The following COL22A1 variants were observed in gnomAD, a reference collection of about 807,000 sequenced individuals.
The protein encoded by COL22A1 is collagen type XXII alpha 1 chain.
COL22A1 carries 221 observed loss-of-function variants against 248.9 expected under a neutral mutation model. The observed-to-expected ratio is 0.89, with a 90% CI of 0.80 to 0.99. The LOEUF (loss-of-function observed/expected upper bound fraction) is 0.99, where lower values mean the gene tolerates loss of function less well. Ranked by LOEUF, COL22A1 falls within the 50% of genes least tolerant of loss-of-function variation. The pLI is 0.00. For synonymous variants in COL22A1, 891 were observed against 793.4 expected (o/e 1.12, Z -2.07); for missense variants, 2,240 against 2,179.0 (o/e 1.03, Z -0.56).
intron 23 of COL22A1, among the ~76,000 whole-genome samples, chr8:138,734,149 C>A (rs542330019): frequency 6.6e-6 from 1 of 152,298 alleles, no homozygotes; most frequent in Non-Finnish European, 1.5e-5. Context: ...GGGAAATAGA[C>A]GCTCCCATCC....
chr8:138,686,739 A>G lies in COL22A1; in HGVS notation c.2863-1427T>C, dbSNP rs1047450164. Among the ~76,000 whole-genome samples, 84 of 152,166 alleles carry G rather than the reference A, an allele frequency of 5.5e-4. 4 individuals are homozygous for G. ...TAGCCCACTGATTTCTGGTTTCTGA[A>G]CATGCACCTGTTAGTCCTCCTAAGA... On this transcript the variant is annotated intron_variant, in intron 37 of 64. Transcript: ENST00000303045.
intron 23 of COL22A1, among the ~76,000 whole-genome samples, chr8:138,729,229 C>G (rs953668106): frequency 6.6e-6 from 1 of 152,200 alleles, no homozygotes; most frequent in African/African-American, 2.4e-5. Flanking sequence ...AGTACCCCAG[C>G]CTTGCAAACT....
chr8:138,599,880 G>C (rs903350703), intron 60 of COL22A1, among the ~76,000 whole-genome samples: 4 of 152,188 alleles, frequency 2.6e-5, no homozygotes, highest in Non-Finnish European at 5.9e-5. Context: ...GCAGCTCCTC[G>C]GGCTGCCTGG....
At chr8:138,621,584 A>C (rs1369620989) in intron 52 of COL22A1, among the ~76,000 whole-genome samples, 1 of 152,214 alleles carries the variant, frequency 6.6e-6, no homozygotes, top group Non-Finnish European at 1.5e-5. Context: ...AGGTCAATGC[A>C]CTGCTCTGCA....
chr8:138,883,724 G>A (rs1330981087), intron 1 of COL22A1, among the ~76,000 whole-genome samples: 1 of 150,084 alleles, frequency 6.7e-6, no homozygotes, highest in Non-Finnish European at 1.5e-5. Flanking sequence ...TCACATATTC[G>A]CTCTCCTGCC....
At chr8:138,646,536 C>T in intron 47 of COL22A1, 93 bp downstream of exon 47, 2 of 999,912 alleles carry the variant, frequency 2.0e-6, no homozygotes, top group South Asian at 2.0e-5. Flanking sequence ...TAAAACCACT[C>T]CTTTACACTG....
chr8:138,780,730 C>T (rs900647415), intron 13 of COL22A1, among the ~76,000 whole-genome samples, 197 bp downstream of exon 13: 18 of 152,122 alleles, frequency 1.2e-4, no homozygotes, highest in Non-Finnish European at 1.5e-4. Flanking sequence ...AGGCGATACC[C>T]GGGGGGCAAA....
chr8:138,816,186 G>A (rs563048632), intron 7 of COL22A1, among the ~76,000 whole-genome samples: 1 of 152,324 alleles, frequency 6.6e-6, no homozygotes, highest in Middle Eastern at 3.4e-3. Flanking sequence ...GGAGACAGGA[G>A]GCAGGCCAGG....
At chr8:138,873,122 A>G (rs1041927255) in intron 3 of COL22A1, among the ~76,000 whole-genome samples, 1 of 152,062 alleles carries the variant, frequency 6.6e-6, no homozygotes, top group Non-Finnish European at 1.5e-5. Flanking sequence ...CAAAAGAAAG[A>G]CTTCCACACC....
At chr8:138,660,316 C>T in intron 44 of COL22A1, 120 bp downstream of exon 44, 1 of 810,226 alleles carries the variant, frequency 1.2e-6, no homozygotes, top group Non-Finnish European at 2.1e-6. Flanking sequence ...GTTTCCTCTG[C>T]CCACAGTTTT....
chr8:138,627,882 G>C (rs1387174869), intron 50 of COL22A1, among the ~76,000 whole-genome samples: 2 of 152,038 alleles, frequency 1.3e-5, no homozygotes, highest in Non-Finnish European at 2.9e-5. Flanking sequence ...GTAAAATTTA[G>C]GTGGAAAAAA....
At position 138,762,402 on chromosome 8, in the gene COL22A1, C is replaced by T. The variant is rs762612154; in HGVS notation, c.1857+11G>A. ...ATGAAACCTAGCCCAACAGCGCCAG[C>T]ACCCACCTACCTGCTGTCCTGTGTC... On this transcript the variant is annotated intron_variant, in intron 17 of 64. Transcript: ENST00000303045. 1.2e-6 allele frequency: 2 copies of T among 1,613,944 alleles called. No individual in the cohort carries two copies. The highest frequency in any genetic ancestry group is 4.5e-5 in the East Asian group (2 of 44,868).
intron 31 of COL22A1, among the ~76,000 whole-genome samples, chr8:138,700,713 G>T (rs1046374502): frequency 6.6e-6 from 1 of 152,164 alleles, no homozygotes; most frequent in African/African-American, 2.4e-5. Flanking sequence ...GGTCGGGCGC[G>T]GTGGCTCACG....
At chr8:138,598,268 G>A (rs548004743) in intron 61 of COL22A1, among the ~76,000 whole-genome samples, 1 of 152,182 alleles carries the variant, frequency 6.6e-6, no homozygotes, top group African/African-American at 2.4e-5. Flanking sequence ...AGTACTCTAG[G>A]TCGGCAGATA....
At chr8:138,649,601 T>C in intron 46 of COL22A1, 64 bp downstream of exon 46, 1 of 1,560,594 alleles carries the variant, frequency 6.4e-7, no homozygotes, top group South Asian at 1.2e-5. Flanking sequence ...GGGGCAATAC[T>C]GAGATCTCCA....
chr8:138,748,887 C>T (rs1038136250), intron 22 of COL22A1, among the ~76,000 whole-genome samples: 1 of 152,198 alleles, frequency 6.6e-6, no homozygotes, highest in African/African-American at 2.4e-5. Context: ...TGTGTCCCCA[C>T]CCAAATCTCA....
intron 52 of COL22A1, chr8:138,619,865 G>T: frequency 3.7e-6 from 1 of 272,646 alleles, no homozygotes; most frequent in Non-Finnish European, 7.1e-6. Flanking sequence ...TGTCAAGGCC[G>T]CTATTAACAC....
intron 52 of COL22A1, chr8:138,619,875 C>G (rs1337616547): frequency 4.1e-6 from 1 of 245,904 alleles, no homozygotes; most frequent in Non-Finnish European, 7.9e-6. Context: ...GCTATTAACA[C>G]TTGCACTTTA....
Position 138,878,013 on chromosome 8 carries a change from T to C in COL22A1, c.395A>G (p.His132Arg), listed in dbSNP as rs2132042953. The C allele has an allele frequency of 6.3e-7, 1 of 1,587,162 alleles. No individual in the cohort carries two copies. Among genetic ancestry groups the C allele is most frequent in the Non-Finnish European group, 8.6e-7 (1 of 1,167,112 alleles). Residue 132 changes from histidine (H) to arginine (R), a missense_variant, in exon 3 of 65, where the codon CAC becomes CGC. Transcript: ENST00000303045. The part of the protein sequence containing the change: ...RYITARSFSP[H>R]AGGRPRDRAY... ...GCGGTCCCTGGGGCGGCCGCCGGCGTGTGGGGAGAAGCTGCGGGCCGTGAT... is the reference window on the plus strand; with the variant it reads ...GCGGTCCCTGGGGCGGCCGCCGGCGCGTGGGGAGAAGCTGCGGGCCGTGAT...
Sources: allele counts gnomAD v4.1 joint callset (sites outside exome capture counted in the v4.1 genomes callset), GRCh38; gene constraint gnomAD v4.1.1; transcripts MANE v1.5; gene names NCBI Gene and HGNC (gene_info 2026-07-23, HGNC 2026-07-21).